Variants in CYRIB observed in about 807,000 individuals in gnomAD.
The protein encoded by CYRIB is CYFIP-related Rac1 interactor B.
Under a neutral mutation model 44.2 loss-of-function variants are expected in CYRIB, and 8 were observed. The observed-to-expected ratio is 0.18, with a 90% CI of 0.11 to 0.33. CYRIB has a LOEUF of 0.33. Ranked by LOEUF, CYRIB falls within the 10% of genes least tolerant of loss-of-function variation. CYRIB has a pLI of 1.00. For synonymous variants in CYRIB, 131 were observed against 127.2 expected, an observed-to-expected ratio of 1.03 and a Z score of -0.20; for missense variants, 185 against 382.8, an observed-to-expected ratio of 0.48 and a Z score of 4.31.
intron 2 of CYRIB, among the ~76,000 whole-genome samples, chr8:129,953,858 G>C (rs1262663622): frequency 6.6e-6 from 1 of 152,184 alleles, no homozygotes; most frequent in African/African-American, 2.4e-5. Flanking sequence ...GTGTAACCTA[G>C]TATTTGAAAT....
rs189431793 is a variant in CYRIB at position 129,917,249 on chromosome 8, T to C, written c.-49-13899A>G. 3.7e-3 allele frequency among the ~76,000 whole-genome samples: 562 copies of C among 152,272 alleles called. 4 individuals carry two copies. Among genetic ancestry groups the C allele is most frequent in the African/African-American group, 0.013 (544 of 41,548 alleles). On this transcript the variant is annotated intron_variant, in intron 1 of 11. Transcript: ENST00000519824. ...ATCCATCCAAGTTAGAAAACACCAG[T>C]CATCATTCTTACCTGTACTGTAAGA...
chr8:129,933,594 A>T (rs2092149911), intron 1 of CYRIB, among the ~76,000 whole-genome samples: 1 of 152,278 alleles, frequency 6.6e-6, no homozygotes, highest in South Asian at 2.1e-4. Context: ...AGAACTGATA[A>T]GCCGGGTGCG....
chr8:129,914,732 G>A (rs944138934), intron 1 of CYRIB, among the ~76,000 whole-genome samples: 16 of 152,058 alleles, frequency 1.1e-4, no homozygotes, highest in African/African-American at 3.1e-4. Flanking sequence ...ATGTTTTGAC[G>A]AAAATTTCTA....
chr8:129,952,142 T>A (rs1427186722), intron 2 of CYRIB, among the ~76,000 whole-genome samples: 4 of 152,200 alleles, frequency 2.6e-5, no homozygotes, highest in Non-Finnish European at 5.9e-5. Context: ...ACCTCCCAGG[T>A]TCAAGCGATT....
intron 2 of CYRIB, among the ~76,000 whole-genome samples, chr8:129,883,241 T>C (rs974715250): frequency 1.6e-4 from 25 of 151,696 alleles, no homozygotes; most frequent in African/African-American, 6.1e-4. Context: ...TCTCACATTG[T>C]AGGAAATACA....
intron 1 of CYRIB, among the ~76,000 whole-genome samples, chr8:129,922,811 C>G (rs1232020242): frequency 6.7e-6 from 1 of 150,274 alleles, no homozygotes; most frequent in South Asian, 2.1e-4. Context: ...TGCAGTGAGC[C>G]GAGATCGCAC....
chr8:129,873,951 T>C (rs766030600), intron 3 of CYRIB, among the ~76,000 whole-genome samples: 2 of 151,958 alleles, frequency 1.3e-5, no homozygotes, highest in African/African-American at 4.8e-5. Flanking sequence ...AAGACTGCTA[T>C]AGAAATGAAG....
intron 1 of CYRIB, among the ~76,000 whole-genome samples, chr8:129,905,385 T>A (rs568578136): frequency 9.2e-5 from 14 of 152,268 alleles, no homozygotes; most frequent in Non-Finnish European, 1.8e-4. Flanking sequence ...TCCCCGCTAA[T>A]TTTTTGTATT....
At chr8:129,859,895 G>A (rs912393382) in intron 5 of CYRIB, among the ~76,000 whole-genome samples, 2 of 152,144 alleles carry the variant, frequency 1.3e-5, no homozygotes, top group Non-Finnish European at 2.9e-5. Context: ...CGGCACCTGG[G>A]TGGCTTGCCG....
chr8:129,951,700 C>T (rs1333498889), intron 2 of CYRIB, among the ~76,000 whole-genome samples: 1 of 109,146 alleles, frequency 9.2e-6, no homozygotes, highest in African/African-American at 3.1e-5. Flanking sequence ...AGCGAGACTC[C>T]ATCTCAAAAA....
intron 4 of CYRIB, among the ~76,000 whole-genome samples, chr8:129,866,958 G>A (rs1338050917): frequency 6.6e-6 from 1 of 152,200 alleles, no homozygotes; most frequent in East Asian, 1.9e-4. Context: ...AACGTCAATG[G>A]TGAGGTTATT....
At chr8:129,966,171 T>C (rs2095471616) in intron 2 of CYRIB, among the ~76,000 whole-genome samples, 1 of 152,222 alleles carries the variant, frequency 6.6e-6, no homozygotes, top group African/African-American at 2.4e-5. Flanking sequence ...AATTCCTTAT[T>C]GACATACATT....
intron 2 of CYRIB, among the ~76,000 whole-genome samples, chr8:129,891,555 C>T (rs959011402): frequency 2.0e-5 from 3 of 152,172 alleles, no homozygotes; most frequent in East Asian, 3.8e-4. Flanking sequence ...CATAGTAGTA[C>T]TAAAATCTCC....
At chr8:129,848,668 A>G (rs2041646429) in intron 10 of CYRIB, among the ~76,000 whole-genome samples, 1 of 152,008 alleles carries the variant, frequency 6.6e-6, no homozygotes, top group Non-Finnish European at 1.5e-5. Flanking sequence ...CCTGGGCTCA[A>G]GGGATCCTCC....
At chr8:129,902,490 G>A (rs914555681) in intron 2 of CYRIB, among the ~76,000 whole-genome samples, 18 of 152,268 alleles carry the variant, frequency 1.2e-4, no homozygotes, top group African/African-American at 4.3e-4. Context: ...AAAGTGCTGA[G>A]ATGACAGGCA....
intron 5 of CYRIB, among the ~76,000 whole-genome samples, chr8:129,859,470 G>T (rs561842801): frequency 6.6e-6 from 1 of 151,988 alleles, no homozygotes; most frequent in African/African-American, 2.4e-5. Flanking sequence ...AAACTCCCCC[G>T]GGGAAAGGGA....
At chr8:129,855,070 G>A (rs1270487297) in intron 6 of CYRIB, among the ~76,000 whole-genome samples, 1 of 152,176 alleles carries the variant, frequency 6.6e-6, no homozygotes, top group African/African-American at 2.4e-5. Context: ...GGTAGAGGGT[G>A]TGAGCAGAAA....
intron 3 of CYRIB, among the ~76,000 whole-genome samples, chr8:129,876,864 A>G (rs1289996352): frequency 6.6e-6 from 1 of 152,254 alleles, no homozygotes; most frequent in Admixed American, 6.5e-5. Context: ...AAGTGCATCT[A>G]GAAATAAACA....
At chr8:129,957,943 C>T (rs778153630) in intron 2 of CYRIB, among the ~76,000 whole-genome samples, 102 of 139,158 alleles carry the variant, frequency 7.3e-4, no homozygotes, top group African/African-American at 1.8e-3. Context: ...CCAGCCTGGG[C>T]GACAGAACGA....
Sources: allele counts gnomAD v4.1 joint callset (sites outside exome capture counted in the v4.1 genomes callset), GRCh38; gene constraint gnomAD v4.1.1; transcripts MANE v1.5; gene names NCBI Gene and HGNC (gene_info 2026-07-23, HGNC 2026-07-21).